Variants in ANO2 observed in about 807,000 individuals in gnomAD.
ANO2 encodes anoctamin 2, also known as anoctamin-2.
In ANO2, 101 loss-of-function variants were observed where a neutral mutation model predicts 124.2. That is an observed-to-expected ratio of 0.81 (90% CI 0.69 to 0.96). The LOEUF is 0.96. Ranked by LOEUF, ANO2 falls within the 40% of genes least tolerant of loss-of-function variation. ANO2 has a pLI of 0.00. For missense variants in ANO2, 1,293 were observed against 1,274.5 expected, an observed-to-expected ratio of 1.01 and a Z score of -0.22; for synonymous variants, 486 against 482.5, an observed-to-expected ratio of 1.01 and a Z score of -0.09.
At position 5,621,856 on chromosome 12, in the gene ANO2, AG is replaced by A. The variant is rs35086767; in HGVS notation, c.1817-6560del. Among the ~76,000 whole-genome samples, 993 of 152,088 alleles carry A rather than the reference AG, an allele frequency of 6.5e-3. 9 individuals carry two copies. Among genetic ancestry groups the A allele is most frequent in the Non-Finnish European group, 9.1e-3 (620 of 67,976 alleles). ...GAGAAGGGAAGGGGGAAAAAGAAGG[AG>A]GAAGAGGGAGGAGGGATGAAAGGAA... is the stretch of plus-strand genomic sequence containing the variant. On this transcript the variant is annotated intron_variant, in intron 16 of 24. Coordinates refer to ENST00000682330, the MANE Select transcript of ANO2 (RefSeq NM_001364791.2).
intron 14 of ANO2, among the ~76,000 whole-genome samples, chr12:5,677,296 G>T (rs1948291753): frequency 6.6e-6 from 1 of 152,156 alleles, no homozygotes; most frequent in Non-Finnish European, 1.5e-5. Flanking sequence ...AAAGGCCACA[G>T]TGTCAAGCCA....
At chr12:5,923,160 GCATACACACACACGCA>G (rs1941856202) in intron 1 of ANO2, among the ~76,000 whole-genome samples, 1 of 24,594 alleles carries the variant, frequency 4.1e-5, no homozygotes, top group African/African-American at 1.1e-4. Context: ...ATACACACAC[GCATACACACACACGCA>G]CACACACATA....
intron 14 of ANO2, among the ~76,000 whole-genome samples, chr12:5,729,466 C>T (rs1162453099): frequency 2.0e-5 from 3 of 152,130 alleles, no homozygotes; most frequent in African/African-American, 7.2e-5. Context: ...TGAAATATCA[C>T]TTCACACCAC....
At position 5,750,950 on chromosome 12, in the gene ANO2, A is replaced by T. The variant is rs1951417156; in HGVS notation, c.1076T>A (p.Ile359Asn). ...DLIRKYFGEK[I>N]GLYFAWLGLY... Reference sequence around the variant, plus strand: ...TCCCAGCCAGGCAAAATACAGTCCAATTTTTTCTCCAAAATACTTTCTGGA... The same window carrying T: ...TCCCAGCCAGGCAAAATACAGTCCATTTTTTTCTCCAAAATACTTTCTGGA... Residue 359 changes from isoleucine to asparagine, a missense_variant, in exon 11 of 25, where the codon ATT becomes AAT. By Grantham distance (149) the Ile-to-Asn change is moderately radical. Coordinates refer to ENST00000682330, the MANE Select transcript of ANO2 (RefSeq NM_001364791.2). The T allele has an allele frequency of 6.2e-6, 10 of 1,603,884 alleles. No individual in the cohort carries two copies. Among genetic ancestry groups the T allele is most frequent in the Non-Finnish European group, 8.5e-6 (10 of 1,174,894 alleles).
chr12:5,755,667 G>A (rs1307439023), intron 10 of ANO2, among the ~76,000 whole-genome samples: 2 of 151,582 alleles, frequency 1.3e-5, no homozygotes, highest in South Asian at 4.2e-4. Context: ...TTGGTTTTTT[G>A]TCCTTCTGAT....
At chr12:5,640,868 T>C (rs1202148532) in intron 15 of ANO2, among the ~76,000 whole-genome samples, 1 of 152,242 alleles carries the variant, frequency 6.6e-6, no homozygotes, top group Admixed American at 6.5e-5. Context: ...GTGATCCCAC[T>C]ACTGGGTACA....
chr12:5,634,235 G>A (rs1165640703), intron 16 of ANO2, among the ~76,000 whole-genome samples: 2 of 152,162 alleles, frequency 1.3e-5, no homozygotes, highest in Non-Finnish European at 2.9e-5. Context: ...TACAGTAGAG[G>A]CCAAGCAAGG....
intron 16 of ANO2, among the ~76,000 whole-genome samples, chr12:5,626,743 G>T (rs904754197): frequency 4.6e-5 from 7 of 152,210 alleles, no homozygotes; most frequent in Admixed American, 4.6e-4. Context: ...CCAAGAGGGA[G>T]AATTCATCCT....
chr12:5,758,349 C>T (rs796557624), intron 10 of ANO2, among the ~76,000 whole-genome samples: 4 of 152,218 alleles, frequency 2.6e-5, no homozygotes, highest in East Asian at 1.9e-4. Context: ...TCTAAGAAAC[C>T]GTCATTTCTG....
At chr12:5,919,638 A>AG (rs1249841298) in intron 3 of ANO2, among the ~76,000 whole-genome samples, 2 of 148,746 alleles carry the variant, frequency 1.3e-5, no homozygotes, top group African/African-American at 4.9e-5. Flanking sequence ...CGTGACCTGC[A>AG]GGAAGGTAGG....
intron 15 of ANO2, among the ~76,000 whole-genome samples, chr12:5,641,149 T>C (rs1302531081): frequency 6.9e-6 from 1 of 145,780 alleles, no homozygotes. Flanking sequence ...CCACATGTTC[T>C]CACTCATAGG....
At position 5,563,026 on chromosome 12, in the gene ANO2, G is replaced by T; in HGVS notation, c.*273C>A. On this transcript the variant is annotated 3_prime_UTR_variant, in exon 25 of 25. Coordinates refer to ENST00000682330, the MANE Select transcript of ANO2 (RefSeq NM_001364791.2). The stretch of plus-strand genomic sequence containing the variant: ...GGTGCCTGAGACTCTGGGGTGGAGA[G>T]ACCCCAGTGGGGTTCCAATCCCTCA... The T allele has an allele frequency of 2.1e-6, 1 of 475,410 alleles. No homozygotes were observed. Among genetic ancestry groups the T allele is most frequent in the Non-Finnish European group, 3.8e-6 (1 of 266,286 alleles). The allele number at this position is 475,410 out of a possible 1,614,324, so 29.4% of individuals were successfully genotyped here. A position where few individuals can be genotyped will look rare whatever the true frequency, so the allele number is the denominator to read the frequency against.
At chr12:5,643,614 T>C (rs1946494942) in intron 15 of ANO2, among the ~76,000 whole-genome samples, 1 of 152,226 alleles carries the variant, frequency 6.6e-6, no homozygotes, top group South Asian at 2.1e-4. Context: ...TCAGTTTCAC[T>C]AGATAATGCC....
At chr12:5,754,894 A>G (rs557524787) in intron 10 of ANO2, among the ~76,000 whole-genome samples, 1 of 151,942 alleles carries the variant, frequency 6.6e-6, no homozygotes, top group Admixed American at 6.5e-5. Flanking sequence ...CTGTTTTCAT[A>G]TCCTGTCTTA....
At chr12:5,715,972 T>C (rs1021271060) in intron 14 of ANO2, among the ~76,000 whole-genome samples, 5 of 152,216 alleles carry the variant, frequency 3.3e-5, no homozygotes, top group African/African-American at 1.2e-4. Context: ...TAATAAACCA[T>C]ATTTAATAAG....
At chr12:5,874,903 G>A (rs1323704934) in intron 3 of ANO2, among the ~76,000 whole-genome samples, 1 of 152,208 alleles carries the variant, frequency 6.6e-6, no homozygotes, top group African/African-American at 2.4e-5. Context: ...CTCTGATGTT[G>A]AGTCACAAAA....
chr12:5,791,919 ATT>A (rs960989900), intron 10 of ANO2, among the ~76,000 whole-genome samples: 2 of 152,228 alleles, frequency 1.3e-5, no homozygotes, highest in Admixed American at 1.3e-4. Flanking sequence ...ATTCGTATTT[ATT>A]TAACTACAGC....
upstream of ANO2, among the ~76,000 whole-genome samples, chr12:5,945,678 T>G (rs1225059700): frequency 1.3e-5 from 2 of 152,228 alleles, no homozygotes; most frequent in African/African-American, 4.8e-5. Context: ...TGCCCAAGAG[T>G]TAGCCCTGGG....
chr12:5,699,746 T>C (rs185438509), intron 14 of ANO2, among the ~76,000 whole-genome samples: 3,794 of 152,118 alleles, frequency 0.025, 52 homozygotes, highest in Middle Eastern at 0.048. Context: ...TGGAGGAAGA[T>C]CTACCAAGCA....
Sources: allele counts gnomAD v4.1 joint callset (sites outside exome capture counted in the v4.1 genomes callset), GRCh38; gene constraint gnomAD v4.1.1; transcripts MANE v1.5; gene names NCBI Gene and HGNC (gene_info 2026-07-23, HGNC 2026-07-21).